The following TRABD2B variants were observed in gnomAD, a reference collection of about 807,000 sequenced individuals.
The protein encoded by TRABD2B is TraB domain containing 2B.
In TRABD2B, 14 loss-of-function variants were observed where a neutral mutation model predicts 40.1. The observed-to-expected ratio is 0.35, with a 90% CI of 0.23 to 0.55. The LOEUF (loss-of-function observed/expected upper bound fraction) is 0.55, where lower values mean the gene tolerates loss of function less well. Ranked by LOEUF, TRABD2B falls within the 20% of genes least tolerant of loss-of-function variation. TRABD2B has a pLI of 0.90. For missense variants in TRABD2B, 541 were observed against 648.6 expected (o/e 0.83, Z 1.80); for synonymous variants, 263 against 277.0 (o/e 0.95, Z 0.50).
chr1:47,875,509 A>G (rs1032402005), intron 2 of TRABD2B, among the ~76,000 whole-genome samples: 1 of 151,860 alleles, frequency 6.6e-6, no homozygotes, highest in Non-Finnish European at 1.5e-5. Flanking sequence ...CAATATGGCA[A>G]AACCCTGTCT....
intron 2 of TRABD2B, among the ~76,000 whole-genome samples, chr1:47,959,909 A>C (rs941236535): frequency 2.0e-5 from 3 of 152,144 alleles, no homozygotes; most frequent in African/African-American, 4.8e-5. Context: ...CACACACACA[A>C]AAAAAGAGAA....
intron 2 of TRABD2B, among the ~76,000 whole-genome samples, chr1:47,885,934 C>A (rs963577765): frequency 6.6e-6 from 1 of 152,172 alleles, no homozygotes; most frequent in East Asian, 1.9e-4. Context: ...TAGTTTTATG[C>A]ATCAGTTGGT....
intron 2 of TRABD2B, among the ~76,000 whole-genome samples, chr1:47,804,903 G>A (rs1162167863): frequency 2.0e-5 from 3 of 152,176 alleles, no homozygotes; most frequent in African/African-American, 7.2e-5. Context: ...AACTTCCCTG[G>A]TTGATGTAAG....
intron 2 of TRABD2B, among the ~76,000 whole-genome samples, chr1:47,838,755 C>T (rs190493901): frequency 2.6e-5 from 4 of 152,280 alleles, no homozygotes; most frequent in Admixed American, 2.0e-4. Flanking sequence ...TGGCTGACGC[C>T]CAGAAGAGTA....
At chr1:47,952,848 A>G (rs1007786908) in intron 2 of TRABD2B, among the ~76,000 whole-genome samples, 2 of 152,176 alleles carry the variant, frequency 1.3e-5, no homozygotes, top group African/African-American at 4.8e-5. Context: ...CCTGGAGGAC[A>G]CCGAGGCCTC....
At chr1:47,806,818 T>C (rs1644898975) in intron 2 of TRABD2B, among the ~76,000 whole-genome samples, 1 of 152,200 alleles carries the variant, frequency 6.6e-6, no homozygotes, top group Non-Finnish European at 1.5e-5. Context: ...CTATGTTCAC[T>C]TGATGGCCCA....
intron 2 of TRABD2B, among the ~76,000 whole-genome samples, chr1:47,831,699 C>CT (rs1645252194): frequency 6.6e-6 from 1 of 152,146 alleles, no homozygotes. Flanking sequence ...TTCAAATCAC[C>CT]AGCGGGTCGC....
intron 3 of TRABD2B, among the ~76,000 whole-genome samples, chr1:47,798,318 A>G (rs1211592916): frequency 6.6e-6 from 1 of 152,182 alleles, no homozygotes; most frequent in African/African-American, 2.4e-5. Context: ...CCTCAATTGT[A>G]TCTGACTCTC....
intron 2 of TRABD2B, among the ~76,000 whole-genome samples, chr1:47,840,151 C>G (rs1645376831): frequency 6.6e-6 from 1 of 152,146 alleles, no homozygotes; most frequent in African/African-American, 2.4e-5. Context: ...TGGTCACTAT[C>G]ACAGCAGATG....
intron 2 of TRABD2B, among the ~76,000 whole-genome samples, chr1:47,941,729 G>A (rs1029742164): frequency 2.6e-4 from 39 of 152,216 alleles, no homozygotes; most frequent in African/African-American, 9.4e-4. Flanking sequence ...GGAAGCTGAT[G>A]GCTTGGAAGC....
chr1:47,951,641 G>A (rs936514396), intron 2 of TRABD2B, among the ~76,000 whole-genome samples: 60 of 152,182 alleles, frequency 3.9e-4, no homozygotes, highest in African/African-American at 1.4e-3. Flanking sequence ...AAGGTAGAGA[G>A]GGTGGGGCAG....
In TRABD2B at chr1:47,994,030, C is replaced by T; in HGVS notation, c.666+4G>A. On this transcript the variant is annotated splice_donor_region_variant and intron_variant, in intron 2 of 6. Coordinates refer to ENST00000606738, the MANE Select transcript of TRABD2B (RefSeq NM_001194986.2). This position sits in a 1 kb window ranked among gnomAD's most constrained non-coding sequence, Gnocchi z 6.7. ...AGCTCCGGGCTGGGGCACTGCATGC[C>T]TACCTGGGAGAAGTTGAGCCCGTTG... is the stretch of plus-strand genomic sequence containing the variant. 6.5e-7 allele frequency: 1 copy of T among 1,532,730 alleles called. No homozygotes were observed. Among genetic ancestry groups the T allele is most frequent in the Non-Finnish European group, 8.7e-7 (1 of 1,144,390 alleles). 94.9% of individuals were successfully genotyped at this position (1,532,730 alleles called of 1,614,324 possible). A position where few individuals can be genotyped will look rare whatever the true frequency, so the allele number is the denominator to read the frequency against.
Position 47,996,620 on chromosome 1 carries a change from A to G in TRABD2B, c.102+68T>C, listed in dbSNP as rs1169152173. The G allele has an allele frequency of 8.3e-7, 1 of 1,211,608 alleles. No homozygotes were observed. The highest frequency in any genetic ancestry group is 1.6e-5 in the African/African-American group (1 of 63,554). The allele number at this position is 1,211,608 out of a possible 1,614,324, so 75.1% of individuals were successfully genotyped here. On this transcript the variant is annotated intron_variant, in intron 1 of 6. Transcript: ENST00000606738. This position sits in a 1 kb window ranked among gnomAD's most constrained non-coding sequence, Gnocchi z 4.6. The stretch of plus-strand genomic sequence containing the variant: ...TAAGGTGGGTGCGGAAGCAGGACCC[A>G]AACCATGGTCCCACGGGACTAGAAT...
intron 2 of TRABD2B, among the ~76,000 whole-genome samples, chr1:47,832,959 G>C (rs1645270456): frequency 1.3e-5 from 2 of 152,204 alleles, no homozygotes; most frequent in African/African-American, 4.8e-5. Context: ...CCTAGTCTCA[G>C]AGGGTCCTTA....
At chr1:47,785,321 C>T (rs938751388) in intron 4 of TRABD2B, among the ~76,000 whole-genome samples, 17 of 152,166 alleles carry the variant, frequency 1.1e-4, no homozygotes, top group Admixed American at 1.3e-4. Context: ...GGTGTGTAAG[C>T]TGAGGGTCGA....
At chr1:47,824,995 G>A (rs1309923679) in intron 2 of TRABD2B, among the ~76,000 whole-genome samples, 1 of 152,212 alleles carries the variant, frequency 6.6e-6, no homozygotes. Flanking sequence ...TCCCTGCGAC[G>A]AGGATGAACC....
chr1:47,940,122 C>T (rs1645166229), intron 2 of TRABD2B, among the ~76,000 whole-genome samples: 1 of 152,228 alleles, frequency 6.6e-6, no homozygotes, highest in African/African-American at 2.4e-5. Flanking sequence ...GGGACTCTTG[C>T]TTACACCGTC....
intron 2 of TRABD2B, among the ~76,000 whole-genome samples, chr1:47,922,921 G>A (rs908598185): frequency 6.6e-6 from 1 of 152,214 alleles, no homozygotes; most frequent in African/African-American, 2.4e-5. Flanking sequence ...TTCAGCTAAA[G>A]TGAAAGATCC....
intron 4 of TRABD2B, among the ~76,000 whole-genome samples, chr1:47,791,539 A>G (rs1273642743): frequency 1.3e-5 from 2 of 152,152 alleles, no homozygotes; most frequent in African/African-American, 4.8e-5. Flanking sequence ...CCTGGCAGGC[A>G]ATGGGCTGCG....
Sources: gnomAD v4.1 joint callset for allele counts (sites outside exome capture counted in the v4.1 genomes callset) on GRCh38, gnomAD v4.1.1 for gene constraint, Gnocchi (gnomAD v3.1) non-coding constraint, MANE v1.5 for transcripts, NCBI Gene and HGNC (gene_info 2026-07-23, HGNC 2026-07-21) for gene names.